The following SBNO1 variants were observed in gnomAD, a reference collection of about 807,000 sequenced individuals.
The protein encoded by SBNO1 is protein strawberry notch homolog 1.
SBNO1 carries 23 observed loss-of-function variants against 173.6 expected under a neutral mutation model. The ratio of observed to expected loss-of-function variants is 0.13; its 90% CI spans 0.10 to 0.19. The LOEUF is 0.19. Ranked by LOEUF, SBNO1 falls within the 10% of genes least tolerant of loss-of-function variation. The pLI, the probability that SBNO1 is intolerant of heterozygous loss-of-function variation, is 1.00. For missense variants in SBNO1, 1,238 were observed against 1,671.2 expected, an observed-to-expected ratio of 0.74 and a Z score of 4.52; for synonymous variants, 632 against 571.5, an observed-to-expected ratio of 1.11 and a Z score of -1.51.
chr12:123,331,340 A>G lies in SBNO1; in HGVS notation c.945T>C (p.Ala315=). Residue 315 remains alanine (A), a synonymous_variant, in exon 8 of 32, where the codon GCT becomes GCC. Transcript: ENST00000602398. ...CGGCACCATCACCTATTAAGAAGCC[A>G]GCACGATCTCCATTAGGTAGGAAAG... ...HETFLPNGDR[A]GFLIGDGAGV... is the part of the protein sequence containing the mutation. The G allele has an allele frequency of 6.2e-7, 1 of 1,614,014 alleles. No individual in the cohort carries two copies. The highest frequency in any genetic ancestry group is 8.5e-7 in the Non-Finnish European group (1 of 1,179,862).
Position 123,320,462 on chromosome 12 carries a change from A to G in SBNO1, c.2637T>C (p.Asp879=). The change falls in exon 19 of 32, where the codon GAT becomes GAC. Residue 879 remains aspartate, a synonymous_variant. Coordinates refer to ENST00000602398, the MANE Select transcript of SBNO1 (RefSeq NM_001167856.3). ...LPPNTLDELI[D]ELGGPENVAE... ...CAACGTTCTCAGGGCCACCAAGTTC[A>G]TCGATAAGTTCATCCAGGGTATTAG... The G allele has an allele frequency of 1.2e-6, 2 of 1,613,722 alleles. No individual in the cohort carries two copies. The highest frequency in any genetic ancestry group is 1.7e-4 in the Middle Eastern group (1 of 6,060).
At chr12:123,341,927 C>T (rs1365498580) in intron 4 of SBNO1, among the ~76,000 whole-genome samples, 3 of 152,050 alleles carry the variant, frequency 2.0e-5, no homozygotes, top group Non-Finnish European at 2.9e-5. Context: ...TCAAAAGGAA[C>T]GTGTGCAAGG....
Position 123,345,508 on chromosome 12 carries a change from T to C in SBNO1, c.300A>G (p.Gly100=). 6.2e-7 allele frequency: 1 copy of C among 1,614,022 alleles called. No individual in the cohort carries two copies. Among genetic ancestry groups the C allele is most frequent in the African/African-American group, 1.3e-5 (1 of 75,000 alleles). The change falls in exon 4 of 32, where the codon GGA becomes GGG. Residue 100 remains glycine, a synonymous_variant. Coordinates refer to ENST00000602398, the MANE Select transcript of SBNO1 (RefSeq NM_001167856.3). ...LNQINHLPPL[G]STIVMTKTPP... is the part of the protein sequence containing the mutation. Reference sequence around the variant, plus strand: ...GTGTTTTAGTCATTACAATTGTAGATCCCAAGGGTGGAAGATGATTTATTT... The same window carrying C: ...GTGTTTTAGTCATTACAATTGTAGACCCCAAGGGTGGAAGATGATTTATTT...
intron 6 of SBNO1, among the ~76,000 whole-genome samples, chr12:123,334,561 A>T (rs1871606958): frequency 6.6e-6 from 1 of 152,240 alleles, no homozygotes; most frequent in East Asian, 1.9e-4. Context: ...TACAAAAATT[A>T]GCTGGGCATG....
intron 1 of SBNO1, 148 bp downstream of exon 1, chr12:123,364,552 GA>G (rs1383765197): frequency 4.1e-6 from 4 of 983,568 alleles, no homozygotes; most frequent in African/African-American, 1.7e-5. Flanking sequence ...GCGCGGCCGC[GA>G]GGAGCGGCAA....
At chr12:123,297,624 G>A (rs2048653983) in intron 31 of SBNO1, among the ~76,000 whole-genome samples, 1 of 152,040 alleles carries the variant, frequency 6.6e-6, no homozygotes, top group Non-Finnish European at 1.5e-5. Flanking sequence ...TCTGTGCACA[G>A]TGGCTTTTGA....
chr12:123,332,543 C>T (rs1871341136), intron 7 of SBNO1, among the ~76,000 whole-genome samples: 1 of 150,954 alleles, frequency 6.6e-6, no homozygotes, highest in African/African-American at 2.4e-5. Context: ...CCGCCAGCTT[C>T]AGCCTCCCAA....
chr12:123,327,381 T>A (rs778439204), intron 13 of SBNO1, 45 bp downstream of exon 13: 3 of 1,523,132 alleles, frequency 2.0e-6, no homozygotes, highest in Non-Finnish European at 9.0e-7. Flanking sequence ...AGAAACATTA[T>A]CAGATACATT....
At chr12:123,321,372 G>A (rs2073521074) in intron 17 of SBNO1, among the ~76,000 whole-genome samples, 163 bp downstream of exon 17, 1 of 152,058 alleles carries the variant, frequency 6.6e-6, no homozygotes, top group Admixed American at 6.6e-5. Context: ...ACATATATGA[G>A]GCTCAAACTT....
At chr12:123,350,556 T>A in intron 1 of SBNO1, 115 bp from the exon 2 acceptor site, 1 of 808,012 alleles carries the variant, frequency 1.2e-6, no homozygotes, top group South Asian at 1.6e-5. Context: ...TCAGTATTAA[T>A]GAAGAACCTG....
chr12:123,362,410 T>A lies in SBNO1; in HGVS notation c.-1+2291A>T, dbSNP rs191961012. ...GAGATCGTGCCACTGCACTCCAGCC[T>A]GGGCCACTGAGCGAGACTCCGTCTC... is the stretch of plus-strand genomic sequence containing the variant. On this transcript the variant is annotated intron_variant, in intron 1 of 31. Transcript: ENST00000602398. Among the ~76,000 whole-genome samples the A allele has an allele frequency of 2.3e-3, 257 of 111,596 alleles. 8 individuals are homozygous for A. The East Asian group carries it at 0.06, about 26-fold the overall frequency. 73.2% of individuals were successfully genotyped at this position (111,596 alleles called of 152,430 possible).
chr12:123,316,797 G>C (rs1402798314), intron 21 of SBNO1, among the ~76,000 whole-genome samples: 1 of 150,004 alleles, frequency 6.7e-6, no homozygotes, highest in African/African-American at 2.4e-5. Context: ...GCGCCTCCCA[G>C]GTTCAAGCAA....
At chr12:123,340,561 A>G (rs113024259) in intron 5 of SBNO1, among the ~76,000 whole-genome samples, 3 of 141,518 alleles carry the variant, frequency 2.1e-5, no homozygotes, top group African/African-American at 8.2e-5. Context: ...AGCCTGGGCG[A>G]TAAGAGTAAG....
Position 123,320,500 on chromosome 12 carries a change from C to T in SBNO1, c.2599G>A (p.Glu867Lys). 4 of 1,614,112 alleles carry T rather than the reference C, an allele frequency of 2.5e-6. No individual in the cohort carries two copies. Among genetic ancestry groups the T allele is most frequent in the Non-Finnish European group, 2.5e-6 (3 of 1,180,010 alleles). ...TCCAGGGTATTAGGGGGGAGGTCTT[C>T]AGCTAATTTTTCTAGCTTATCAAGC... is the stretch of plus-strand genomic sequence containing the variant. ...DLLDKLEKLA[E>K]DLPPNTLDEL... is the part of the protein sequence containing the mutation. The change falls in exon 19 of 32, where the codon GAA becomes AAA. Residue 867 changes from glutamate to lysine, a missense_variant. Physicochemically the swap from Glu to Lys is moderately conservative, Grantham distance 56. This residue lies in a region of SBNO1 where 74 missense variants were observed against 68.5 expected (regional missense o/e 1.08). Coordinates refer to ENST00000602398, the MANE Select transcript of SBNO1 (RefSeq NM_001167856.3).
intron 1 of SBNO1, chr12:123,364,341 A>G (rs918814218): frequency 7.0e-5 from 69 of 984,792 alleles, no homozygotes; most frequent in Middle Eastern, 5.2e-4. Context: ...GTGAGGCGGA[A>G]GCCAAAGGGG....
intron 1 of SBNO1, among the ~76,000 whole-genome samples, chr12:123,360,100 C>G (rs984122543): frequency 6.6e-6 from 1 of 151,964 alleles, no homozygotes. Flanking sequence ...AAAAATTAGC[C>G]AGGTATGGTG....
chr12:123,296,843 G>A (rs999286206), intron 31 of SBNO1, among the ~76,000 whole-genome samples: 1 of 150,538 alleles, frequency 6.6e-6, no homozygotes, highest in Non-Finnish European at 1.5e-5. Context: ...ATAGGTGTGA[G>A]CCACCGTGCC....
At chr12:123,297,329 C>CAAAA (rs11427958) in intron 31 of SBNO1, among the ~76,000 whole-genome samples, 4 of 32,040 alleles carry the variant, frequency 1.2e-4, no homozygotes, top group South Asian at 1.7e-3. Context: ...GACTCAGTCT[C>CAAAA]AAAAAAAAAA....
intron 5 of SBNO1, among the ~76,000 whole-genome samples, chr12:123,340,379 G>A (rs1017521842): frequency 6.6e-6 from 1 of 151,774 alleles, no homozygotes; most frequent in Non-Finnish European, 1.5e-5. Flanking sequence ...TCAGGAGTTC[G>A]AGACCATCCT....
Sources: gnomAD v4.1 joint callset for allele counts (sites outside exome capture counted in the v4.1 genomes callset) on GRCh38, gnomAD v4.1.1 for gene constraint, gnomAD v4.1.1 regional missense constraint, MANE v1.5 for transcripts, NCBI Gene and HGNC (gene_info 2026-07-23, HGNC 2026-07-21) for gene names.